The following ANKRD12 variants were observed in gnomAD, a reference collection of about 807,000 sequenced individuals.
ANKRD12 encodes the protein ankyrin repeat domain-containing protein 12.
ANKRD12 carries 85 observed loss-of-function variants against 183.4 expected under a neutral mutation model. The ratio of observed to expected loss-of-function variants is 0.46; its 90% CI spans 0.39 to 0.56. The LOEUF is 0.56. Ranked by LOEUF, ANKRD12 falls within the 20% of genes least tolerant of loss-of-function variation. ANKRD12 has a pLI of 0.00. For synonymous variants in ANKRD12, 914 were observed against 800.2 expected (o/e 1.14, Z -2.40); for missense variants, 2,405 against 2,357.1 (o/e 1.02, Z -0.42).
chr18:9,196,189 T>TAC (rs34220366), intron 3 of ANKRD12, among the ~76,000 whole-genome samples: 3,688 of 51,604 alleles, frequency 0.071, 251 homozygotes, highest in Middle Eastern at 0.12. Flanking sequence ...ATAGAATTTT[T>TAC]ACACACACAC....
intron 1 of ANKRD12, 30 bp from the exon 2 acceptor site, chr18:9,182,352 A>C: frequency 2.1e-6 from 1 of 482,530 alleles, no homozygotes; most frequent in Admixed American, 4.9e-5. Flanking sequence ...ATATATATTC[A>C]AATAACCCTT....
At chr18:9,176,338 C>A (rs2033265471) in intron 1 of ANKRD12, among the ~76,000 whole-genome samples, 1 of 151,992 alleles carries the variant, frequency 6.6e-6, no homozygotes, top group African/African-American at 2.4e-5. Context: ...GTTGCCCAGG[C>A]CAGAGTGCAG....
intron 2 of ANKRD12, among the ~76,000 whole-genome samples, chr18:9,195,192 TG>T (rs1418613612): frequency 2.6e-5 from 4 of 151,584 alleles, no homozygotes; most frequent in Non-Finnish European, 5.9e-5. Flanking sequence ...GGGTGGAGGG[TG>T]GGAGGAGGGA....
At chr18:9,228,073 G>GGA (rs199889879) in intron 8 of ANKRD12, among the ~76,000 whole-genome samples, 1,566 of 152,198 alleles carry the variant, frequency 0.01, 19 homozygotes, top group African/African-American at 0.036. Context: ...TTCTGTGCCT[G>GGA]ACTTCACTAA....
intron 1 of ANKRD12, among the ~76,000 whole-genome samples, chr18:9,149,985 C>T (rs541039955): frequency 2.0e-5 from 3 of 151,600 alleles, no homozygotes; most frequent in Admixed American, 6.6e-5. Flanking sequence ...TTGGTAGAGA[C>T]GGGGTTTCAC....
chr18:9,183,666 T>G (rs2033852160), intron 2 of ANKRD12, among the ~76,000 whole-genome samples: 2 of 142,030 alleles, frequency 1.4e-5, no homozygotes, highest in Non-Finnish European at 3.2e-5. Context: ...TGAATAAAGA[T>G]AATTTTACTT....
chr18:9,248,017 A>G (rs1048176660), intron 8 of ANKRD12, among the ~76,000 whole-genome samples: 51 of 152,070 alleles, frequency 3.4e-4, no homozygotes, highest in African/African-American at 1.2e-3. Flanking sequence ...GGAACTTCTG[A>G]CCTCAGGTGA....
chr18:9,167,246 C>A (rs1237646083), intron 1 of ANKRD12, among the ~76,000 whole-genome samples: 1 of 148,132 alleles, frequency 6.8e-6, no homozygotes, highest in African/African-American at 2.7e-5. Context: ...TTTTCCAATT[C>A]TGTGAAGAAA....
intron 8 of ANKRD12, among the ~76,000 whole-genome samples, chr18:9,241,665 T>G (rs765677866): frequency 6.6e-6 from 1 of 152,174 alleles, no homozygotes; most frequent in Non-Finnish European, 1.5e-5. Flanking sequence ...GAGGTATTCT[T>G]TAATGAACAC....
intron 8 of ANKRD12, among the ~76,000 whole-genome samples, chr18:9,252,123 C>T (rs1406614213): frequency 6.6e-6 from 1 of 152,210 alleles, no homozygotes; most frequent in Non-Finnish European, 1.5e-5. Context: ...GATTTTCTCA[C>T]CATAGCAGTC....
chr18:9,269,317 T>C (rs1184832346), intron 10 of ANKRD12, among the ~76,000 whole-genome samples: 1 of 152,170 alleles, frequency 6.6e-6, no homozygotes, highest in African/African-American at 2.4e-5. Flanking sequence ...GCCAAGTCAG[T>C]CCTAAGCCAA....
chr18:9,261,844 G>A (rs2038986728), intron 9 of ANKRD12, among the ~76,000 whole-genome samples: 1 of 152,092 alleles, frequency 6.6e-6, no homozygotes, highest in African/African-American at 2.4e-5. Flanking sequence ...CCCTCTTGAG[G>A]AAGCTTTCTC....
At chr18:9,152,449 C>T (rs1288561481) in intron 1 of ANKRD12, among the ~76,000 whole-genome samples, 1 of 152,120 alleles carries the variant, frequency 6.6e-6, no homozygotes, top group Non-Finnish European at 1.5e-5. Context: ...AACAGGCCAT[C>T]TACCAGCCTG....
rs531927194 is a variant in ANKRD12, at chr18:9,256,813, A to G, written c.3546A>G (p.Ser1182=). ...VMTLGKSSFV[S]DNSLNRSPRS... ...CTTTAGGGAAGTCATCTTTTGTTTC[A>G]GATAATAGCTTAAACAGGTCTCCTA... Residue 1182 remains serine (S), a synonymous_variant, in exon 9 of 13, where the codon TCA becomes TCG. Transcript: ENST00000262126. The G allele has an allele frequency of 2.5e-6, 4 of 1,614,070 alleles. No homozygotes were observed. The African/African-American group carries it at 4.0e-5, about 16-fold the overall frequency.
At chr18:9,153,787 G>T (rs75895820) in intron 1 of ANKRD12, among the ~76,000 whole-genome samples, 4,324 of 151,450 alleles carry the variant, frequency 0.029, 73 homozygotes, top group Non-Finnish European at 0.038. Context: ...TTAATATTTT[G>T]TTTTTTTCTA....
chr18:9,159,624 A>T (rs1236726819), intron 1 of ANKRD12, among the ~76,000 whole-genome samples: 4 of 146,028 alleles, frequency 2.7e-5, no homozygotes, highest in Admixed American at 1.4e-4. Flanking sequence ...TATTTTTAGT[A>T]GAGACAGGGT....
intron 8 of ANKRD12, among the ~76,000 whole-genome samples, chr18:9,226,635 G>A (rs2036730791): frequency 6.6e-6 from 1 of 152,040 alleles, no homozygotes; most frequent in Non-Finnish European, 1.5e-5. Context: ...AGGGTGGGTG[G>A]AGGAAAAACA....
At chr18:9,151,505 A>T (rs1343208538) in intron 1 of ANKRD12, among the ~76,000 whole-genome samples, 1 of 152,230 alleles carries the variant, frequency 6.6e-6, no homozygotes, top group Non-Finnish European at 1.5e-5. Flanking sequence ...GAACTGATGA[A>T]GGTCAACCAA....
chr18:9,250,634 G>A (rs2038235357), intron 8 of ANKRD12, among the ~76,000 whole-genome samples: 3 of 152,074 alleles, frequency 2.0e-5, no homozygotes, highest in African/African-American at 7.2e-5. Context: ...CAGAAAGATC[G>A]TTTGAGCCCA....
Sources: gnomAD v4.1 joint callset for allele counts (sites outside exome capture counted in the v4.1 genomes callset) on GRCh38, gnomAD v4.1.1 for gene constraint, MANE v1.5 for transcripts, NCBI Gene and HGNC (gene_info 2026-07-23, HGNC 2026-07-21) for gene names.